The following KIRREL3 variants were observed in gnomAD, a reference collection of about 807,000 sequenced individuals.
KIRREL3 encodes the protein kirre like nephrin family adhesion molecule 3, also known as kin of IRRE-like protein 3.
A neutral mutation model predicts 89.7 loss-of-function variants in KIRREL3; 36 were observed. The ratio of observed to expected loss-of-function variants is 0.40; its 90% CI spans 0.31 to 0.53. The LOEUF is 0.53. Ranked by LOEUF, KIRREL3 falls within the 20% of genes least tolerant of loss-of-function variation. KIRREL3 has a pLI of 0.49. For synonymous variants in KIRREL3, 445 were observed against 441.4 expected, an observed-to-expected ratio of 1.01 and a Z score of -0.10; for missense variants, 864 against 1,056.6, an observed-to-expected ratio of 0.82 and a Z score of 2.53.
chr11:126,871,938 G>T (rs572120193), intron 1 of KIRREL3, among the ~76,000 whole-genome samples: 5 of 152,310 alleles, frequency 3.3e-5, no homozygotes, highest in Admixed American at 6.5e-5. Flanking sequence ...GAGGAGGTGT[G>T]ACTGGAGTGA....
chr11:126,827,331 C>T (rs1037913478), intron 1 of KIRREL3, among the ~76,000 whole-genome samples: 1 of 152,088 alleles, frequency 6.6e-6, no homozygotes, highest in Non-Finnish European at 1.5e-5. Context: ...GTGCATGCCA[C>T]CACACCCAAC....
chr11:126,737,726 T>A (rs542487241), intron 1 of KIRREL3, among the ~76,000 whole-genome samples: 48 of 152,168 alleles, frequency 3.2e-4, no homozygotes, highest in Non-Finnish European at 6.0e-4. Context: ...TAATTCTAAA[T>A]GTTTAATTAT....
chr11:126,642,882 T>C lies in KIRREL3; in HGVS notation c.56-79970A>G, dbSNP rs1368891940. Among the ~76,000 whole-genome samples the C allele has an allele frequency of 6.6e-6, 1 of 152,190 alleles. No individual in the cohort carries two copies. The highest frequency in any genetic ancestry group is 1.5e-5 in the Non-Finnish European group (1 of 68,026). On this transcript the variant is annotated intron_variant, in intron 1 of 16. Coordinates refer to ENST00000525144, the MANE Select transcript of KIRREL3 (RefSeq NM_032531.4). The surrounding 1 kb of genome is among the most constrained non-coding windows in gnomAD (Gnocchi z 4.9). ...ATCAAGCATCTCCTCTGTGTCAGGC[T>C]TGAAGTGAGAAATTCAAAGGTGAAC...
chr11:126,473,387 G>A lies in KIRREL3; in HGVS notation c.513C>T (p.His171=), dbSNP rs376743687. Residue 171 remains histidine, a synonymous_variant, in exon 5 of 17, where the codon CAC becomes CAT. Transcript: ENST00000525144. ...AGGCTGCAGGCTTGGCATTGTCTGC[G>A]TGGCAGGTGAGGTTGAGAGGGTCCC... The part of the protein sequence containing the change: ...RAGDPLNLTC[H]ADNAKPAASI... The A allele has an allele frequency of 1.0e-5, 16 of 1,585,332 alleles. No homozygotes were observed. The highest frequency in any genetic ancestry group is 6.9e-5 in the African/African-American group (5 of 72,706).
At position 126,620,671 on chromosome 11, in the gene KIRREL3, C is replaced by T. The variant is rs585784; in HGVS notation, c.56-57759G>A. On this transcript the variant is annotated intron_variant, in intron 1 of 16. Transcript: ENST00000525144. This position sits in a 1 kb window ranked among gnomAD's most constrained non-coding sequence, Gnocchi z 4.8. ...TACTAAGCAGATGTTACAATTAGTT[C>T]CTTCCTGGTCCCACATTCATTCCCT... Among the ~76,000 whole-genome samples, 33 of 152,298 alleles carry T rather than the reference C, an allele frequency of 2.2e-4. No individual in the cohort carries two copies. Among genetic ancestry groups the T allele is most frequent in the Non-Finnish European group, 4.1e-4 (28 of 68,030 alleles).
At position 126,431,877 on chromosome 11, in the gene KIRREL3, G is replaced by A. The variant is rs1002429491; in HGVS notation, c.1589-351C>T. Reference sequence around the variant, plus strand: ...GGCTGGCACGATGGAGCTCTCTCTGGCATTAAACAGGAATGCTCTATCACA... The same window carrying A: ...GGCTGGCACGATGGAGCTCTCTCTGACATTAAACAGGAATGCTCTATCACA... On this transcript the variant is annotated intron_variant, in intron 13 of 16. Transcript: ENST00000525144. This position sits in a 1 kb window ranked among gnomAD's most constrained non-coding sequence, Gnocchi z 7.1. Among the ~76,000 whole-genome samples the A allele has an allele frequency of 4.6e-5, 7 of 152,288 alleles. No individual in the cohort carries two copies. Among genetic ancestry groups the A allele is most frequent in the Non-Finnish European group, 8.8e-5 (6 of 68,018 alleles).
At chr11:126,509,001 G>A (rs1958115360) in intron 4 of KIRREL3, among the ~76,000 whole-genome samples, 1 of 152,172 alleles carries the variant, frequency 6.6e-6, no homozygotes, top group Non-Finnish European at 1.5e-5. Flanking sequence ...GCCTAGTGGG[G>A]CACATGCAGG....
chr11:126,849,448 G>C (rs532954648), intron 1 of KIRREL3, among the ~76,000 whole-genome samples: 2 of 152,206 alleles, frequency 1.3e-5, no homozygotes, highest in East Asian at 3.9e-4. Context: ...TTACTCTATG[G>C]ACTTGCCCTG....
chr11:126,851,196 C>T (rs890758459), intron 1 of KIRREL3, among the ~76,000 whole-genome samples: 1 of 152,154 alleles, frequency 6.6e-6, no homozygotes, highest in African/African-American at 2.4e-5. Flanking sequence ...GTGTATTGTG[C>T]TTTAAGGTGA....
intron 1 of KIRREL3, among the ~76,000 whole-genome samples, chr11:126,721,320 C>T (rs1451941157): frequency 1.3e-5 from 2 of 152,008 alleles, no homozygotes; most frequent in Non-Finnish European, 2.9e-5. Context: ...CATCTGAGGT[C>T]GGGAGTTCGA....
At position 126,454,431 on chromosome 11, in the gene KIRREL3, G is replaced by A. The variant is rs527370799; in HGVS notation, c.848+1918C>T. 5.3e-5 allele frequency among the ~76,000 whole-genome samples: 8 copies of A among 152,260 alleles called. No individual in the cohort carries two copies. Among genetic ancestry groups the A allele is most frequent in the East Asian group, 1.9e-4 (1 of 5,178 alleles). ...AGTTGTGTGTCCTGGTCTCTGGGGC[G>A]CCCAACAGGCATTCTAAGGGTGGCT... On this transcript the variant is annotated intron_variant, in intron 7 of 16. Coordinates refer to ENST00000525144, the MANE Select transcript of KIRREL3 (RefSeq NM_032531.4). The surrounding 1 kb of genome is among the most constrained non-coding windows in gnomAD (Gnocchi z 5.8).
chr11:126,951,186 T>C (rs928320911), intron 1 of KIRREL3, among the ~76,000 whole-genome samples: 8 of 152,140 alleles, frequency 5.3e-5, no homozygotes, highest in Non-Finnish European at 1.2e-4. Flanking sequence ...GTAATAAGGA[T>C]AGCTTCAGAA....
At position 126,723,808 on chromosome 11, in the gene KIRREL3, G is replaced by T. The variant is rs1948272450; in HGVS notation, c.56-160896C>A. 1.3e-5 allele frequency among the ~76,000 whole-genome samples: 2 copies of T among 152,206 alleles called. No individual in the cohort carries two copies. ...GAAAAGACTTGCACAGATGCTCTTT[G>T]TGACTCAGAACTTTGGAAAAAGTCC... On this transcript the variant is annotated intron_variant, in intron 1 of 16. Transcript: ENST00000525144. This position sits in a 1 kb window ranked among gnomAD's most constrained non-coding sequence, Gnocchi z 4.0.
chr11:126,424,365 CTG>C lies in KIRREL3; in HGVS notation c.*213_*214del. The C allele has an allele frequency of 1.8e-6, 1 of 567,192 alleles. No individual in the cohort carries two copies. Among genetic ancestry groups the C allele is most frequent in the South Asian group, 2.0e-5 (1 of 49,758 alleles). The allele number at this position is 567,192 out of a possible 1,614,324, so 35.1% of individuals were successfully genotyped here. A position where few individuals can be genotyped will look rare whatever the true frequency, so the allele number is the denominator to read the frequency against. ...CAGCGCACTCAGCCGCAGCCTCTGT[CTG>C]TCTCCCCACCCGCCCACCTCTGGCA... On this transcript the variant is annotated 3_prime_UTR_variant, in exon 17 of 17. Transcript: ENST00000525144.
intron 1 of KIRREL3, among the ~76,000 whole-genome samples, chr11:126,998,819 G>C (rs1027343893): frequency 6.6e-6 from 1 of 152,168 alleles, no homozygotes. Flanking sequence ...ATGTGAGTTT[G>C]TGTGTTTACG....
chr11:126,630,134 C>T (rs1943957079), intron 1 of KIRREL3, among the ~76,000 whole-genome samples: 1 of 152,130 alleles, frequency 6.6e-6, no homozygotes, highest in Non-Finnish European at 1.5e-5. Flanking sequence ...TCCCTACTTC[C>T]ACATAGACGG....
At chr11:126,831,259 C>T (rs1213183701) in intron 1 of KIRREL3, among the ~76,000 whole-genome samples, 2 of 152,176 alleles carry the variant, frequency 1.3e-5, no homozygotes, top group Non-Finnish European at 2.9e-5. Flanking sequence ...TGTGAGATCA[C>T]CTTCACCAAG....
In KIRREL3 at chr11:126,647,717, G is replaced by A. The variant is rs548723803; in HGVS notation, c.56-84805C>T. Among the ~76,000 whole-genome samples, 2 of 152,302 alleles carry A rather than the reference G, an allele frequency of 1.3e-5. No homozygotes were observed. The highest frequency in any genetic ancestry group is 2.4e-5 in the African/African-American group (1 of 41,560). ...CGGCCAGAGCCTCCTAATTGGTCTC[G>A]CAGCTTCCATCCTTGTCTTCTGCTG... On this transcript the variant is annotated intron_variant, in intron 1 of 16. Coordinates refer to ENST00000525144, the MANE Select transcript of KIRREL3 (RefSeq NM_032531.4). The surrounding 1 kb of genome is among the most constrained non-coding windows in gnomAD (Gnocchi z 4.9).
At chr11:126,695,723 A>C (rs2135147723) in intron 1 of KIRREL3, among the ~76,000 whole-genome samples, 1 of 152,320 alleles carries the variant, frequency 6.6e-6, no homozygotes, top group Non-Finnish European at 1.5e-5. Flanking sequence ...CTGCATTGCA[A>C]GAAGGAGCTG....
Sources: gnomAD v4.1 joint callset for allele counts (sites outside exome capture counted in the v4.1 genomes callset) on GRCh38, gnomAD v4.1.1 for gene constraint, Gnocchi (gnomAD v3.1) non-coding constraint, MANE v1.5 for transcripts, NCBI Gene and HGNC (gene_info 2026-07-23, HGNC 2026-07-21) for gene names.